RUBCNL: variants seen among roughly 807,000 people sequenced by gnomAD.
The protein encoded by RUBCNL is rubicon like autophagy enhancer, also known as protein associated with UVRAG as autophagy enhancer.
RUBCNL carries 62 observed loss-of-function variants against 69.5 expected under a neutral mutation model. The ratio of observed to expected loss-of-function variants is 0.89; its 90% CI spans 0.73 to 1.10. The LOEUF (loss-of-function observed/expected upper bound fraction) is 1.10, where lower values mean the gene tolerates loss of function less well. Ranked by LOEUF, RUBCNL falls within the 50% of genes least tolerant of loss-of-function variation. RUBCNL has a pLI of 0.00. For missense variants in RUBCNL, 768 were observed against 798.1 expected, an observed-to-expected ratio of 0.96 and a Z score of 0.45; for synonymous variants, 291 against 303.6, an observed-to-expected ratio of 0.96 and a Z score of 0.43.
At chr13:46,347,795 T>C (rs1237146772) in intron 12 of RUBCNL, among the ~76,000 whole-genome samples, 9 of 152,050 alleles carry the variant, frequency 5.9e-5, no homozygotes, top group Non-Finnish European at 1.2e-4. Flanking sequence ...ATCGAGACCA[T>C]CCTGGCTAAC....
At position 46,362,935 on chromosome 13, in the gene RUBCNL, TATAG is replaced by T. The variant is rs199809397; in HGVS notation, c.925+176_925+179del. 9.4e-3 allele frequency among the ~76,000 whole-genome samples: 447 copies of T among 47,426 alleles called. 73 individuals are homozygous for T. The East Asian group carries it at 0.1, about 11-fold the overall frequency. 31.1% of individuals were successfully genotyped at this position (47,426 alleles called of 152,430 possible). On this transcript the variant is annotated intron_variant, in intron 6 of 14. Coordinates refer to ENST00000429979, the MANE Select transcript of RUBCNL (RefSeq NM_025113.5). ...GAAACAAGAACATCATATATATATA[TATAG>T]ATATATATATATATATATATATATA...
In RUBCNL at chr13:46,340,646, C is replaced by G. The variant is rs562893419; in HGVS notation, c.*2739G>C. 6.6e-6 allele frequency among the ~76,000 whole-genome samples: 1 copy of G among 152,126 alleles called. No homozygotes were observed. Among genetic ancestry groups the G allele is most frequent in the Non-Finnish European group, 1.5e-5 (1 of 68,022 alleles). On this transcript the variant is annotated 3_prime_UTR_variant, in exon 15 of 15. Coordinates refer to ENST00000429979, the MANE Select transcript of RUBCNL (RefSeq NM_025113.5). ...ATGGTTCTGCGGGCTGTACAAGCATCGCACCAATATCTGCTTCTGGTTAGG... is the reference window on the plus strand; with the variant it reads ...ATGGTTCTGCGGGCTGTACAAGCATGGCACCAATATCTGCTTCTGGTTAGG...
In RUBCNL at chr13:46,338,221, T is replaced by C. The variant is rs2765619; in HGVS notation, c.*5164A>G. ...TTTAAAATTTGAAATATGTTTTATC[T>C]TCCTACCATGGTGAATATCCCTTCA... On this transcript the variant is annotated 3_prime_UTR_variant, in exon 15 of 15. Transcript: ENST00000429979. Among the ~76,000 whole-genome samples, 47,405 of 152,128 alleles carry C rather than the reference T, an allele frequency of 0.31. 7,573 individuals are homozygous for C. Among genetic ancestry groups the C allele is most frequent in the Middle Eastern group, 0.37 (107 of 292 alleles).
chr13:46,353,772 A>G (rs1018629316), intron 10 of RUBCNL, among the ~76,000 whole-genome samples: 1 of 152,260 alleles, frequency 6.6e-6, no homozygotes, highest in Non-Finnish European at 1.5e-5. Context: ...GATGTCCGGT[A>G]TAACTTTCCA....
upstream of RUBCNL, among the ~76,000 whole-genome samples, chr13:46,388,313 G>A (rs960634722): frequency 8.2e-5 from 12 of 147,082 alleles, no homozygotes; most frequent in African/African-American, 3.1e-4. Flanking sequence ...GAAGAAGGAA[G>A]GAAGGAAGGA....
intron 3 of RUBCNL, 82 bp from the exon 4 acceptor site, chr13:46,368,897 G>T: frequency 1.0e-6 from 1 of 979,506 alleles, no homozygotes; most frequent in South Asian, 1.5e-5. Context: ...ATAGGAAGTG[G>T]CTTTTAAATA....
intron 10 of RUBCNL, chr13:46,351,072 G>A (rs1190063525): frequency 6.6e-6 from 1 of 151,860 alleles, no homozygotes; most frequent in African/African-American, 2.4e-5. Flanking sequence ...AGACCAGCGT[G>A]GGCAACATAG....
rs2048141777 is a variant in RUBCNL, at chr13:46,341,459, A to T, written c.*1926T>A. 6.6e-6 allele frequency among the ~76,000 whole-genome samples: 1 copy of T among 152,204 alleles called. No individual in the cohort carries two copies. The highest frequency in any genetic ancestry group is 1.5e-5 in the Non-Finnish European group (1 of 68,032). On this transcript the variant is annotated 3_prime_UTR_variant, in exon 15 of 15. Coordinates refer to ENST00000429979, the MANE Select transcript of RUBCNL (RefSeq NM_025113.5). Reference sequence around the variant, plus strand: ...TGGAGAGGAACAAAGTCTCAGACAAATCCCATACTGCAGTTATTTAAATGA... The same window carrying T: ...TGGAGAGGAACAAAGTCTCAGACAATTCCCATACTGCAGTTATTTAAATGA...
At chr13:46,355,082 C>A (rs1023011179) in intron 10 of RUBCNL, among the ~76,000 whole-genome samples, 1 of 152,190 alleles carries the variant, frequency 6.6e-6, no homozygotes, top group East Asian at 1.9e-4. Flanking sequence ...AAGCCCAGAT[C>A]GATTCCTGCT....
intron 5 of RUBCNL, among the ~76,000 whole-genome samples, chr13:46,367,662 TG>T (rs1469784142): frequency 2.0e-5 from 3 of 152,310 alleles, no homozygotes; most frequent in African/African-American, 7.2e-5. Flanking sequence ...TTACTTCCCG[TG>T]GTTTTAGTTA....
intron 3 of RUBCNL, among the ~76,000 whole-genome samples, chr13:46,371,466 A>G (rs2765627): frequency 0.39 from 59,568 of 151,978 alleles, 12,265 homozygotes; most frequent in East Asian, 0.59. Flanking sequence ...TATAGTCTTC[A>G]GGGGAAACTG....
rs532107469 is a variant in RUBCNL at position 46,337,656 on chromosome 13, G to C, written c.*5729C>G. Among the ~76,000 whole-genome samples the C allele has an allele frequency of 1.3e-5, 2 of 152,116 alleles. No individual in the cohort carries two copies. Among genetic ancestry groups the C allele is most frequent in the Admixed American group, 1.3e-4 (2 of 15,270 alleles). On this transcript the variant is annotated 3_prime_UTR_variant, in exon 15 of 15. Transcript: ENST00000429979. ...TATTATAGCAGCCTAAACAGACTACGACAGTGACAAACCTGTTCCCTCAGT... is the reference window on the plus strand; with the variant it reads ...TATTATAGCAGCCTAAACAGACTACCACAGTGACAAACCTGTTCCCTCAGT...
chr13:46,389,529 C>T (rs566329881), upstream of RUBCNL, among the ~76,000 whole-genome samples: 19 of 152,262 alleles, frequency 1.2e-4, no homozygotes, highest in East Asian at 1.7e-3. The surrounding 1 kb of genome is among the most constrained non-coding windows in gnomAD (Gnocchi z 4.2). Flanking sequence ...GCAAGAAAAT[C>T]GTTTTTGTAG....
At chr13:46,348,151 A>G (rs906541949) in intron 12 of RUBCNL, among the ~76,000 whole-genome samples, 6 of 152,200 alleles carry the variant, frequency 3.9e-5, no homozygotes, top group Admixed American at 1.3e-4. Flanking sequence ...GACAGAAAGT[A>G]GAATAGTGGC....
chr13:46,366,676 C>T lies in RUBCNL; in HGVS notation c.826+1366G>A, dbSNP rs757144169. ...TTTGTTATTGAGTATTCCTGATTAA[C>T]GTGTAGTAAAGGAAGTCAAGAAGAA... On this transcript the variant is annotated intron_variant, in intron 5 of 14. Transcript: ENST00000429979. Among the ~76,000 whole-genome samples, 50 of 152,056 alleles carry T rather than the reference C, an allele frequency of 3.3e-4. 1 individual carries two copies. The highest frequency in any genetic ancestry group is 1.8e-4 in the Non-Finnish European group (12 of 68,020).
chr13:46,360,060 G>A (rs1463010621), intron 8 of RUBCNL, among the ~76,000 whole-genome samples: 6 of 152,036 alleles, frequency 3.9e-5, no homozygotes, highest in Non-Finnish European at 2.9e-5. Context: ...GTGCCTCCCC[G>A]CTGAACCACT....
intron 2 of RUBCNL, 42 bp from the exon 3 acceptor site, chr13:46,372,639 A>G (rs2048904782): frequency 2.9e-5 from 41 of 1,420,978 alleles, no homozygotes; most frequent in Middle Eastern, 2.6e-4. Context: ...TAAGAATTCA[A>G]TTGTATTTTG....
chr13:46,353,309 G>A (rs1238139860), intron 10 of RUBCNL, among the ~76,000 whole-genome samples: 1 of 152,170 alleles, frequency 6.6e-6, no homozygotes, highest in Non-Finnish European at 1.5e-5. Flanking sequence ...TGCTCCTGGG[G>A]GAAATTCAGG....
At chr13:46,372,865 A>G (rs899060479) in intron 2 of RUBCNL, among the ~76,000 whole-genome samples, 2 of 152,238 alleles carry the variant, frequency 1.3e-5, no homozygotes, top group African/African-American at 4.8e-5. Flanking sequence ...GATAAATCCC[A>G]TAAAAATGTA....
Sources: gnomAD v4.1 joint callset for allele counts (sites outside exome capture counted in the v4.1 genomes callset) on GRCh38, gnomAD v4.1.1 for gene constraint, Gnocchi (gnomAD v3.1) non-coding constraint, MANE v1.5 for transcripts, NCBI Gene and HGNC (gene_info 2026-07-23, HGNC 2026-07-21) for gene names.